The following RTN4 variants were observed in gnomAD, a reference collection of about 807,000 sequenced individuals.
RTN4 encodes the protein reticulon-4.
RTN4 carries 32 observed loss-of-function variants against 90.4 expected under a neutral mutation model. The observed-to-expected ratio is 0.35, with a 90% CI of 0.27 to 0.48. The LOEUF (loss-of-function observed/expected upper bound fraction) is 0.48, where lower values mean the gene tolerates loss of function less well. Among genes scored for constraint, RTN4 ranks in the 20% least tolerant of loss-of-function variants. The probability of loss-of-function intolerance (pLI) is 0.99; values close to 1 mark genes in which losing one functional copy is unlikely to be tolerated. For missense variants in RTN4, 1,706 were observed against 1,430.2 expected (o/e 1.19, Z -3.11); for synonymous variants, 629 against 552.5 (o/e 1.14, Z -1.94).
intron 3 of RTN4, among the ~76,000 whole-genome samples, chr2:54,992,198 G>A (rs573179609): frequency 6.6e-6 from 1 of 152,258 alleles, no homozygotes; most frequent in South Asian, 2.1e-4. Flanking sequence ...AGGCTTGAAA[G>A]AGTGAAACCC....
At position 55,066,193 on chromosome 2, in the gene RTN4, TTGTGTG is replaced by T. The variant is rs57202019; in HGVS notation, c.-63+14290_-63+14295del. Among the ~76,000 whole-genome samples, 547 of 111,038 alleles carry T rather than the reference TTGTGTG, an allele frequency of 4.9e-3. 1 individual carries two copies. In the Middle Eastern group the frequency reaches 0.064, roughly 13 times the overall value. The allele number at this position is 111,038 out of a possible 152,430, so 72.8% of individuals were successfully genotyped here. Reference sequence around the variant, plus strand: ...TTTGTGTGTGTGTGTGTGTGTGTGTTTGTGTGTGTGTGTGTGTGTGTGTGTGTGTAT... The same window carrying T: ...TTTGTGTGTGTGTGTGTGTGTGTGTTTGTGTGTGTGTGTGTGTGTGTGTAT... On this transcript the variant is annotated intron_variant, in intron 2 of 3. Coordinates refer to the RTN4 transcript ENST00000427710.
intron 1 of RTN4, among the ~76,000 whole-genome samples, chr2:55,089,294 T>C (rs147989724): frequency 1.4e-3 from 211 of 152,286 alleles, no homozygotes; most frequent in African/African-American, 3.4e-3. Context: ...ATAATTAACT[T>C]GAGCATCAGT....
intron 3 of RTN4, among the ~76,000 whole-genome samples, chr2:54,991,078 G>A (rs530280267): frequency 1.6e-3 from 237 of 152,172 alleles, no homozygotes; most frequent in South Asian, 4.4e-3. Context: ...TACCATGCCC[G>A]GCCTCTCAAA....
the RTN4 span, among the ~76,000 whole-genome samples, chr2:55,128,516 T>C: frequency 1.3e-5 from 2 of 152,058 alleles, no homozygotes; most frequent in Non-Finnish European, 2.9e-5. Context: ...CCTACCAGAT[T>C]CTGTCCCCTG....
chr2:54,987,273 G>A (rs1261554214), intron 4 of RTN4, among the ~76,000 whole-genome samples: 1 of 152,176 alleles, frequency 6.6e-6, no homozygotes, highest in Non-Finnish European at 1.5e-5. Flanking sequence ...AGCAGAGTTA[G>A]TTTAATGATA....
chr2:55,074,775 T>A (rs997163023), intron 2 of RTN4, among the ~76,000 whole-genome samples: 1 of 152,172 alleles, frequency 6.6e-6, no homozygotes, highest in African/African-American at 2.4e-5. Flanking sequence ...TGGTTTAACA[T>A]CTGTAAGTCA....
intron 6 of RTN4, 54 bp from the exon 7 acceptor site, chr2:54,973,921 T>TAAAC (rs1247033805): frequency 6.1e-6 from 9 of 1,484,852 alleles, no homozygotes; most frequent in African/African-American, 1.4e-5. Context: ...TTGGGAGGAA[T>TAAAC]AAACACTCAA....
intron 2 of RTN4, among the ~76,000 whole-genome samples, chr2:55,061,223 AC>A (rs1668285810): frequency 6.6e-6 from 1 of 151,676 alleles, no homozygotes; most frequent in Admixed American, 6.6e-5. Context: ...ACGCCACCAC[AC>A]CCAGCTGATT....
the RTN4 span, among the ~76,000 whole-genome samples, chr2:55,133,924 C>G: frequency 6.6e-6 from 1 of 152,082 alleles, no homozygotes; most frequent in African/African-American, 2.4e-5. Context: ...GGTGGAGAGT[C>G]CACAGGCAAA....
At chr2:54,979,819 G>A (rs1677972703) in intron 5 of RTN4, among the ~76,000 whole-genome samples, 1 of 152,158 alleles carries the variant, frequency 6.6e-6, no homozygotes, top group Non-Finnish European at 1.5e-5. Flanking sequence ...TGAGGCAACT[G>A]TTACTTATTT....
chr2:55,010,996 T>A (rs1680589339), intron 3 of RTN4, among the ~76,000 whole-genome samples: 1 of 152,160 alleles, frequency 6.6e-6, no homozygotes, highest in East Asian at 1.9e-4. Context: ...TAATCTGCCA[T>A]GGGAAAATGA....
At chr2:55,065,049 A>G (rs896441772) in intron 2 of RTN4, among the ~76,000 whole-genome samples, 4 of 152,216 alleles carry the variant, frequency 2.6e-5, no homozygotes. Context: ...AAAGAATGCA[A>G]GCAAAATTAC....
Position 54,972,527 on chromosome 2 carries a change from C to G in RTN4, c.*629G>C, listed in dbSNP as rs1483502608. ...GTGCTTTGGAACTACACATGTATAACCAATGACTGACTCTGAAATATCAAG... is the reference window on the plus strand; with the variant it reads ...GTGCTTTGGAACTACACATGTATAAGCAATGACTGACTCTGAAATATCAAG... On this transcript the variant is annotated 3_prime_UTR_variant, in exon 9 of 9. Coordinates refer to ENST00000337526, the MANE Select transcript of RTN4 (RefSeq NM_020532.5). 1.3e-5 allele frequency: 2 copies of G among 152,596 alleles called. No individual in the cohort carries two copies. Among genetic ancestry groups the G allele is most frequent in the East Asian group, 3.9e-4 (2 of 5,194 alleles). The allele number at this position is 152,596 out of a possible 1,614,324, so 9.5% of individuals were successfully genotyped here.
At chr2:55,122,107 C>T in the RTN4 span, among the ~76,000 whole-genome samples, 2 of 151,952 alleles carry the variant, frequency 1.3e-5, no homozygotes, top group Admixed American at 1.3e-4. Flanking sequence ...AAGCGATCCT[C>T]CCACCTCAGC....
chr2:55,124,941 C>T, the RTN4 span, among the ~76,000 whole-genome samples: 1 of 152,160 alleles, frequency 6.6e-6, no homozygotes, highest in African/African-American at 2.4e-5. Flanking sequence ...TTCAACAAAA[C>T]TGACAAAACC....
intron 1 of RTN4, among the ~76,000 whole-genome samples, chr2:55,035,368 G>T (rs148629167): frequency 1.1e-3 from 173 of 152,148 alleles, no homozygotes; most frequent in African/African-American, 4.1e-3. Context: ...GTTTAAAAAC[G>T]AAACTACAGA....
rs377108792 is a variant in RTN4 at position 54,976,231 on chromosome 2, TAC to T, written c.3361-1469_3361-1468del. 2.6e-5 allele frequency among the ~76,000 whole-genome samples: 4 copies of T among 152,286 alleles called. No individual in the cohort carries two copies. The East Asian group carries it at 7.7e-4, about 29-fold the overall frequency. On this transcript the variant is annotated intron_variant, in intron 5 of 8. Coordinates refer to ENST00000337526, the MANE Select transcript of RTN4 (RefSeq NM_020532.5). ...CTAAAATAACTCCTCATTTGGTCAT[TAC>T]AGTCACTGACAAGGCTTCACTCCAA...
At chr2:55,120,009 C>A in the RTN4 span, among the ~76,000 whole-genome samples, 2 of 152,226 alleles carry the variant, frequency 1.3e-5, no homozygotes, top group Non-Finnish European at 2.9e-5. Context: ...GCAGTCATTG[C>A]AAGTGACTGT....
chr2:55,026,021 G>A lies in RTN4; in HGVS notation c.2078C>T (p.Pro693Leu), dbSNP rs80228408. ...INAALQETEA[P>L]YISIACDLIK... Reference sequence around the variant, plus strand: ...TAAATCACATGCAATAGATATATAAGGAGCTTCTGTTTCTTGAAGAGCTGC... The same window carrying A: ...TAAATCACATGCAATAGATATATAAAGAGCTTCTGTTTCTTGAAGAGCTGC... The change falls in exon 3 of 9, where the codon CCT (proline) becomes CTT (leucine). Residue 693 changes from proline to leucine, a missense_variant. By Grantham distance (98) the Pro-to-Leu change is moderately conservative. Coordinates refer to ENST00000337526, the MANE Select transcript of RTN4 (RefSeq NM_020532.5). The A allele has an allele frequency of 5.6e-6, 9 of 1,611,984 alleles. No individual in the cohort carries two copies. In the East Asian group the frequency reaches 1.6e-4, roughly 28 times the overall value.
Sources: gnomAD v4.1 joint callset for allele counts (sites outside exome capture counted in the v4.1 genomes callset) on GRCh38, gnomAD v4.1.1 for gene constraint, MANE v1.5 for transcripts, NCBI Gene and HGNC (gene_info 2026-07-23, HGNC 2026-07-21) for gene names.